The following ITSN2 variants were observed in gnomAD, a reference collection of about 807,000 sequenced individuals.
The protein encoded by ITSN2 is intersectin-2.
Under a neutral mutation model 243.7 loss-of-function variants are expected in ITSN2, and 156 were observed. The ratio of observed to expected loss-of-function variants is 0.64; its 90% CI spans 0.56 to 0.73. The LOEUF is 0.73. ITSN2 is among the 30% of genes least tolerant of loss of function. ITSN2 has a pLI of 0.00. For synonymous variants in ITSN2, 703 were observed against 699.9 expected, an observed-to-expected ratio of 1.00 and a Z score of -0.07; for missense variants, 1,801 against 1,996.1, an observed-to-expected ratio of 0.90 and a Z score of 1.86.
intron 30 of ITSN2, among the ~76,000 whole-genome samples, chr2:24,218,861 T>A (rs1005276272): frequency 6.6e-6 from 1 of 152,180 alleles, no homozygotes; most frequent in East Asian, 1.9e-4. Context: ...CCTGAGACAC[T>A]CTTCTCATAT....
At position 24,303,729 on chromosome 2, in the gene ITSN2, T is replaced by C. The variant is rs1682107027; in HGVS notation, c.857+70A>G. 5.2e-6 allele frequency: 5 copies of C among 968,348 alleles called. No homozygotes were observed. In the Admixed American group the frequency reaches 8.7e-5, roughly 17 times the overall value. The allele number at this position is 968,348 out of a possible 1,614,324, so 60.0% of individuals were successfully genotyped here. On this transcript the variant is annotated intron_variant, in intron 9 of 39. Coordinates refer to ENST00000355123, the MANE Select transcript of ITSN2 (RefSeq NM_006277.3). Reference sequence around the variant, plus strand: ...TACAGAAACAGTATCTTTCTTGTAATAGGGGAGAGAGAGTTTAATTAATTA... The same window carrying C: ...TACAGAAACAGTATCTTTCTTGTAACAGGGGAGAGAGAGTTTAATTAATTA...
intron 29 of ITSN2, among the ~76,000 whole-genome samples, chr2:24,229,358 G>A (rs1274058881): frequency 6.6e-6 from 1 of 152,166 alleles, no homozygotes. Context: ...GGAGGTCGAG[G>A]TGGGCAGATC....
chr2:24,322,933 T>A (rs1684752761), intron 2 of ITSN2, among the ~76,000 whole-genome samples: 1 of 151,726 alleles, frequency 6.6e-6, no homozygotes, highest in Non-Finnish European at 1.5e-5. Context: ...ATCAAAGATA[T>A]ACAGATGGCA....
chr2:24,216,550 G>A (rs934662118), intron 31 of ITSN2, among the ~76,000 whole-genome samples: 1 of 152,196 alleles, frequency 6.6e-6, no homozygotes, highest in Non-Finnish European at 1.5e-5. Context: ...GAGCCCAGGA[G>A]TTCGAGACCA....
At chr2:24,209,773 A>G (rs200984465) in intron 35 of ITSN2, 45 bp downstream of exon 35, 447 of 1,470,260 alleles carry the variant, frequency 3.0e-4, no homozygotes, top group Middle Eastern at 1.7e-3. Context: ...TAGAGGCAAC[A>G]CCTCATTAGG....
rs1175095228 is a variant in ITSN2 at position 24,337,305 on chromosome 2, GTA to G, written c.-33-9192_-33-9191del. 6.8e-4 allele frequency among the ~76,000 whole-genome samples: 23 copies of G among 33,830 alleles called. No homozygotes were observed. In the East Asian group the frequency reaches 0.014, roughly 21 times the overall value. 22.2% of individuals were successfully genotyped at this position (33,830 alleles called of 152,430 possible). ...TGTATGTGTGTGTGTGTGTGTGTGT[GTA>G]TACACAAAATATATATATATATATA... On this transcript the variant is annotated intron_variant, in intron 1 of 39. Transcript: ENST00000355123.
At chr2:24,334,582 C>T in intron 1 of ITSN2, 1 of 1,007,564 alleles carries the variant, frequency 9.9e-7, no homozygotes, top group Non-Finnish European at 1.5e-6. Flanking sequence ...TGCAAAGTGA[C>T]ACAGTACAAG....
intron 14 of ITSN2, among the ~76,000 whole-genome samples, chr2:24,294,699 T>C (rs140459834): frequency 6.6e-6 from 1 of 152,184 alleles, no homozygotes; most frequent in Non-Finnish European, 1.5e-5. Flanking sequence ...TTAAAAAGAA[T>C]AACTTTAAGT....
At chr2:24,252,012 A>T (rs1179291385) in intron 25 of ITSN2, among the ~76,000 whole-genome samples, 1 of 152,180 alleles carries the variant, frequency 6.6e-6, no homozygotes, top group Non-Finnish European at 1.5e-5. Context: ...AAATTGGCGA[A>T]CTACTTCAAG....
chr2:24,248,587 C>T, intron 27 of ITSN2, 42 bp downstream of exon 27: 1 of 1,519,076 alleles, frequency 6.6e-7, no homozygotes, highest in Non-Finnish European at 8.9e-7. Flanking sequence ...GCATGCAGTA[C>T]TTTTATAATA....
intron 32 of ITSN2, chr2:24,214,541 AT>A (rs1403772352): frequency 2.0e-4 from 30 of 152,272 alleles, no homozygotes; most frequent in Admixed American, 2.0e-3. Context: ...AAAATTACAA[AT>A]TTTGTTCATG....
At chr2:24,260,456 C>T (rs1675679516) in intron 22 of ITSN2, among the ~76,000 whole-genome samples, 1 of 145,440 alleles carries the variant, frequency 6.9e-6, no homozygotes, top group East Asian at 2.0e-4. Flanking sequence ...TCCCAAATAA[C>T]TTTAAGAAAA....
chr2:24,282,033 G>A (rs1379733209), intron 17 of ITSN2, among the ~76,000 whole-genome samples: 1 of 152,220 alleles, frequency 6.6e-6, no homozygotes, highest in Non-Finnish European at 1.5e-5. Flanking sequence ...TCCCTGGCTA[G>A]GGCTTCAGCC....
At chr2:24,339,136 G>A (rs572148562) in intron 1 of ITSN2, among the ~76,000 whole-genome samples, 9 of 152,172 alleles carry the variant, frequency 5.9e-5, no homozygotes, top group African/African-American at 1.7e-4. Flanking sequence ...ACTCCTACTC[G>A]TATTCAAAAA....
intron 27 of ITSN2, 142 bp downstream of exon 27, chr2:24,248,487 T>A (rs889585685): frequency 1.7e-6 from 1 of 582,624 alleles, no homozygotes; most frequent in Non-Finnish European, 2.9e-6. Context: ...AAAGGAAATA[T>A]AATGCAGTAA....
At position 24,220,453 on chromosome 2, in the gene ITSN2, A is replaced by G. The variant is rs1026740876; in HGVS notation, c.3699+492T>C. Reference sequence around the variant, plus strand: ...AGTAGCTATATGATATTTGGGAACTATTTTACAATATGCTCCCATTGGGTT... The same window carrying G: ...AGTAGCTATATGATATTTGGGAACTGTTTTACAATATGCTCCCATTGGGTT... On this transcript the variant is annotated intron_variant, in intron 30 of 39. Transcript: ENST00000355123. 12 of 988,540 alleles carry G rather than the reference A, an allele frequency of 1.2e-5. No homozygotes were observed. The African/African-American group carries it at 1.7e-4, about 14-fold the overall frequency. The allele number at this position is 988,540 out of a possible 1,614,324, so 61.2% of individuals were successfully genotyped here.
intron 1 of ITSN2, among the ~76,000 whole-genome samples, chr2:24,350,871 C>T (rs1181526962): frequency 6.6e-6 from 1 of 152,050 alleles, no homozygotes; most frequent in African/African-American, 2.4e-5. Flanking sequence ...AAGTGACTGC[C>T]ATTGGGTATA....
chr2:24,250,886 T>A (rs926968198), intron 25 of ITSN2, among the ~76,000 whole-genome samples: 1 of 152,066 alleles, frequency 6.6e-6, no homozygotes, highest in Admixed American at 6.6e-5. Context: ...AGTAGCTGAC[T>A]TAATTAAGTC....
At chr2:24,300,674 G>A (rs544336426) in intron 11 of ITSN2, among the ~76,000 whole-genome samples, 28 of 151,460 alleles carry the variant, frequency 1.8e-4, no homozygotes, top group Non-Finnish European at 3.4e-4. Flanking sequence ...AGCCGGGATT[G>A]TGCTGTTGCA....
Sources: gnomAD v4.1 joint callset for allele counts (sites outside exome capture counted in the v4.1 genomes callset) on GRCh38, gnomAD v4.1.1 for gene constraint, MANE v1.5 for transcripts, NCBI Gene and HGNC (gene_info 2026-07-23, HGNC 2026-07-21) for gene names.